The following DAB1 variants were observed in gnomAD, a reference collection of about 807,000 sequenced individuals.
The protein encoded by DAB1 is disabled homolog 1.
Under a neutral mutation model 64.6 loss-of-function variants are expected in DAB1, and 15 were observed. The observed-to-expected ratio is 0.23, with a 90% confidence interval of 0.16 to 0.36. DAB1 has a LOEUF of 0.36. DAB1 is among the 10% of genes least tolerant of loss of function. DAB1 has a pLI of 1.00. For synonymous variants in DAB1, 235 were observed against 251.9 expected (o/e 0.93, Z 0.64); for missense variants, 596 against 706.7 (o/e 0.84, Z 1.78).
chr1:57,722,718 C>T (rs900294355), intron 6 of DAB1, among the ~76,000 whole-genome samples: 4 of 152,104 alleles, frequency 2.6e-5, no homozygotes, highest in African/African-American at 4.8e-5. Flanking sequence ...AGCACTCATA[C>T]GTGACTGATG....
At chr1:58,470,539 T>C (rs542170377) in intron 3 of DAB1, among the ~76,000 whole-genome samples, 2 of 152,302 alleles carry the variant, frequency 1.3e-5, no homozygotes, top group South Asian at 4.1e-4. Context: ...TCACCCTCAA[T>C]GGTCCAGGAG....
chr1:57,748,870 G>A (rs773463261), intron 6 of DAB1, among the ~76,000 whole-genome samples: 1 of 152,178 alleles, frequency 6.6e-6, no homozygotes, highest in Non-Finnish European at 1.5e-5. Context: ...TTTCATGCAG[G>A]CTGGCCAATT....
rs192752813 is a variant in DAB1, at chr1:58,048,930, T to G, written n.387+101581A>C. On this transcript the variant is annotated intron_variant and non_coding_transcript_variant, in intron 5 of 20. Transcript: ENST00000485760. ...TTTTCCAACTGTTAAAAATAATCTC[T>G]TAGGTGATGTTCTTCAGTGTCTTCT... 2.5e-5 allele frequency: 22 copies of G among 866,852 alleles called. No individual in the cohort carries two copies. In the Admixed American group the frequency reaches 3.2e-4, roughly 13 times the overall value. The allele number at this position is 866,852 out of a possible 1,614,324, so 53.7% of individuals were successfully genotyped here. A position where few individuals can be genotyped will look rare whatever the true frequency, so the allele number is the denominator to read the frequency against.
chr1:57,204,840 T>G (rs1665411460), intron 2 of DAB1, among the ~76,000 whole-genome samples: 1 of 152,236 alleles, frequency 6.6e-6, no homozygotes, highest in African/African-American at 2.4e-5. Context: ...CTTTAGCTCT[T>G]TGTGATCACT....
intron 3 of DAB1, among the ~76,000 whole-genome samples, chr1:58,442,134 C>A (rs897554185): frequency 3.9e-4 from 60 of 152,144 alleles, no homozygotes; most frequent in African/African-American, 1.4e-3. Flanking sequence ...CGTGTGTGTG[C>A]ATGTATGTGT....
chr1:57,524,084 G>T (rs913938205), intron 7 of DAB1, among the ~76,000 whole-genome samples: 1 of 152,090 alleles, frequency 6.6e-6, no homozygotes, highest in African/African-American at 2.4e-5. Flanking sequence ...CAAAGGAATG[G>T]CAAGAGGAGA....
At chr1:57,805,928 C>A (rs1391625269) in intron 6 of DAB1, among the ~76,000 whole-genome samples, 1 of 152,204 alleles carries the variant, frequency 6.6e-6, no homozygotes, top group Non-Finnish European at 1.5e-5. Flanking sequence ...TACTGAGGCA[C>A]CTTCTCACTA....
exon 2 of DAB1, chr1:58,527,280 C>T (rs1381505242): frequency 1.1e-6 from 1 of 872,170 alleles, no homozygotes. Flanking sequence ...AAGCAGTAGT[C>T]CAATTTTGTC....
intron 7 of DAB1, among the ~76,000 whole-genome samples, chr1:57,529,707 T>C (rs964188959): frequency 6.6e-6 from 1 of 152,146 alleles, no homozygotes; most frequent in African/African-American, 2.4e-5. Flanking sequence ...ATGTACTTAA[T>C]AGCAAAACCA....
intron 6 of DAB1, among the ~76,000 whole-genome samples, chr1:57,818,251 C>T (rs2101892600): frequency 6.6e-6 from 1 of 152,196 alleles, no homozygotes; most frequent in South Asian, 2.1e-4. Flanking sequence ...TATAAAAATG[C>T]TGCCTTAAAA....
chr1:58,390,894 A>T (rs1644470064), intron 3 of DAB1, among the ~76,000 whole-genome samples: 1 of 152,170 alleles, frequency 6.6e-6, no homozygotes, highest in African/African-American at 2.4e-5. Context: ...AGTGGGAATC[A>T]CCAGTGGTAG....
At chr1:57,608,864 C>G (rs1384423381) in intron 7 of DAB1, among the ~76,000 whole-genome samples, 1 of 152,176 alleles carries the variant, frequency 6.6e-6, no homozygotes, top group Non-Finnish European at 1.5e-5. Flanking sequence ...AGTCAATTCA[C>G]TCTGCCTCGG....
rs906871599 is a variant in DAB1 at position 57,467,219 on chromosome 1, T to A, written n.626-176053A>T. ...GTGGGTCCTAAGGATTTGTATATTTTAAAACACCTTCAGATAATCTGAATG... is the reference window on the plus strand; with the variant it reads ...GTGGGTCCTAAGGATTTGTATATTTAAAAACACCTTCAGATAATCTGAATG... On this transcript the variant is annotated intron_variant and non_coding_transcript_variant, in intron 7 of 20. Transcript: ENST00000485760. Among the ~76,000 whole-genome samples, 13 of 152,312 alleles carry A rather than the reference T, an allele frequency of 8.5e-5. No homozygotes were observed. The South Asian group carries it at 2.3e-3, about 27-fold the overall frequency.
chr1:57,426,838 G>T (rs1475130789), upstream of DAB1, among the ~76,000 whole-genome samples: 1 of 149,180 alleles, frequency 6.7e-6, no homozygotes. Flanking sequence ...TCTTGAGATC[G>T]CAGTGAGCCT....
chr1:58,221,422 C>T (rs1358520953), intron 4 of DAB1, among the ~76,000 whole-genome samples: 1 of 152,178 alleles, frequency 6.6e-6, no homozygotes, highest in Non-Finnish European at 1.5e-5. Context: ...GATAACAGCT[C>T]CTGAGCATGC....
intron 4 of DAB1, among the ~76,000 whole-genome samples, chr1:58,257,020 A>C (rs774073068): frequency 3.0e-4 from 45 of 152,218 alleles, no homozygotes; most frequent in Non-Finnish European, 4.7e-4. Context: ...TTGTTTTCAC[A>C]ACTAGCCTGT....
intron 3 of DAB1, among the ~76,000 whole-genome samples, chr1:58,354,217 A>C (rs1569675557): frequency 6.6e-6 from 1 of 152,046 alleles, no homozygotes; most frequent in African/African-American, 2.4e-5. Context: ...TTTTTTCACT[A>C]TGGTTATCTC....
At position 57,294,257 on chromosome 1, in the gene DAB1, C is replaced by T. The variant is rs557349420; in HGVS notation, c.-136-3091G>A. ...ATTTTGAAATGCTTCAATAATATTT[C>T]TTTGCTCCACACAATCTGCAGTAAT... is the stretch of plus-strand genomic sequence containing the variant. On this transcript the variant is annotated intron_variant, in intron 1 of 14. Transcript: ENST00000371236. 6.6e-5 allele frequency among the ~76,000 whole-genome samples: 10 copies of T among 152,308 alleles called. No individual in the cohort carries two copies. In the East Asian group the frequency reaches 1.9e-3, roughly 29 times the overall value.
chr1:58,071,879 T>A (rs142532903), intron 5 of DAB1, among the ~76,000 whole-genome samples: 1 of 152,270 alleles, frequency 6.6e-6, no homozygotes, highest in East Asian at 1.9e-4. Context: ...TATAGAGCAT[T>A]TATTATTTCC....
Sources: allele counts gnomAD v4.1 joint callset (sites outside exome capture counted in the v4.1 genomes callset), GRCh38; gene constraint gnomAD v4.1.1; transcripts MANE v1.5; gene names NCBI Gene and HGNC (gene_info 2026-07-23, HGNC 2026-07-21).